Variants in GPR39 observed in about 807,000 individuals in gnomAD.
GPR39 encodes zinc sensing receptor.
GPR39 carries 23 observed loss-of-function variants against 18.4 expected under a neutral mutation model. The observed-to-expected ratio is 1.25, with a 90% CI of 0.90 to 1.77. The LOEUF (loss-of-function observed/expected upper bound fraction) is 1.77. GPR39 is among the 40% of genes most tolerant of loss of function. The pLI is 0.00. For missense variants in GPR39, 647 were observed against 602.4 expected (o/e 1.07, Z -0.78); for synonymous variants, 280 against 257.9 (o/e 1.09, Z -0.82).
intron 1 of GPR39, among the ~76,000 whole-genome samples, chr2:132,614,290 T>G (rs1681293088): frequency 6.6e-6 from 1 of 152,096 alleles, no homozygotes. Flanking sequence ...CACTGCAACC[T>G]CCATCTCCCG....
At chr2:132,587,804 T>G (rs1277943435) in intron 1 of GPR39, among the ~76,000 whole-genome samples, 1 of 152,136 alleles carries the variant, frequency 6.6e-6, no homozygotes, top group African/African-American at 2.4e-5. Context: ...CAAAGTGCTG[T>G]GATTACAGGC....
At chr2:132,474,490 G>A (rs909597511) in intron 1 of GPR39, among the ~76,000 whole-genome samples, 2 of 152,194 alleles carry the variant, frequency 1.3e-5, no homozygotes, top group African/African-American at 4.8e-5. Flanking sequence ...CTGGAAACTG[G>A]GTGAGGGGAC....
rs1283661147 is a variant in GPR39 at position 132,645,187 on chromosome 2, A to T, written c.943A>T (p.Thr315Ser). 6.2e-7 allele frequency: 1 copy of T among 1,614,030 alleles called. No homozygotes were observed. The highest frequency in any genetic ancestry group is 8.5e-7 in the Non-Finnish European group (1 of 1,180,010). ...TGCGGCCAAACCCAAGCACGACTGG[A>T]CGAGGTCCTACTTCCGGGCGTACAT... Reference protein sequence around the residue: ...MAAAKPKHDWTRSYFRAYMIL... With the variant: ...MAAAKPKHDWSRSYFRAYMIL... Residue 315 changes from threonine (T) to serine (S), a missense_variant, in exon 2 of 2, where the codon ACG (threonine) becomes TCG (serine). Physicochemically the swap from Thr to Ser is moderately conservative, Grantham distance 58. Transcript: ENST00000329321.
At position 132,488,854 on chromosome 2, in the gene GPR39, A is replaced by G. The variant is rs115714414; in HGVS notation, c.856+70956A>G. On this transcript the variant is annotated intron_variant, in intron 1 of 1. Transcript: ENST00000329321. Reference sequence around the variant, plus strand: ...CTGCGCCCTGGCTGTCAGCACCTCCACTTCTTCTCCCTGCAAGGGAGGGTG... The same window carrying G: ...CTGCGCCCTGGCTGTCAGCACCTCCGCTTCTTCTCCCTGCAAGGGAGGGTG... The G allele has an allele frequency of 5.3e-3, 894 of 168,610 alleles. 27 individuals carry two copies. Among genetic ancestry groups the G allele is most frequent in the African/African-American group, 0.021 (867 of 40,770 alleles). 10.4% of individuals were successfully genotyped at this position (168,610 alleles called of 1,614,324 possible).
chr2:132,493,220 CATATATACACCAT>C lies in GPR39; in HGVS notation c.856+75341_856+75353del, dbSNP rs1282910497. ...CCATATATACACCATATATGTACAC[CATATATACACCAT>C]ATATATACACCATATATACACCATA... On this transcript the variant is annotated intron_variant, in intron 1 of 1. Transcript: ENST00000329321. Among the ~76,000 whole-genome samples, 12 of 138,148 alleles carry C rather than the reference CATATATACACCAT, an allele frequency of 8.7e-5. No homozygotes were observed. The South Asian group carries it at 9.2e-4, about 11-fold the overall frequency. 90.6% of individuals were successfully genotyped at this position (138,148 alleles called of 152,430 possible).
At chr2:132,568,432 A>G (rs1680388091) in intron 1 of GPR39, among the ~76,000 whole-genome samples, 4 of 152,054 alleles carry the variant, frequency 2.6e-5, no homozygotes. Flanking sequence ...TTGGCCAGGC[A>G]CGGTGGCTTA....
intron 1 of GPR39, among the ~76,000 whole-genome samples, chr2:132,572,378 C>T (rs1445161565): frequency 2.6e-5 from 4 of 152,060 alleles, no homozygotes; most frequent in African/African-American, 9.7e-5. Context: ...GCTGGAAGTG[C>T]ATCTGAGCAG....
chr2:132,629,485 T>C (rs140390770), intron 1 of GPR39, among the ~76,000 whole-genome samples: 138 of 152,358 alleles, frequency 9.1e-4, no homozygotes, highest in African/African-American at 3.2e-3. Flanking sequence ...ATTTGATTCA[T>C]ATAATGTGAA....
At chr2:132,507,840 A>G (rs896066538) in intron 1 of GPR39, among the ~76,000 whole-genome samples, 5 of 152,228 alleles carry the variant, frequency 3.3e-5, no homozygotes, top group Admixed American at 6.5e-5. Flanking sequence ...ACAAAAGAAG[A>G]GAAGCACAGG....
intron 1 of GPR39, among the ~76,000 whole-genome samples, chr2:132,540,005 C>T (rs1679834204): frequency 6.6e-6 from 1 of 152,106 alleles, no homozygotes; most frequent in South Asian, 2.1e-4. Context: ...CATCTGCACC[C>T]CACAGAGGAA....
intron 1 of GPR39, among the ~76,000 whole-genome samples, chr2:132,564,832 G>C (rs142010079): frequency 3.3e-5 from 1 of 30,360 alleles, no homozygotes; most frequent in African/African-American, 1.3e-4. Flanking sequence ...TTTTTTTTTT[G>C]TTGAGACAGA....
At chr2:132,596,113 G>A (rs536428552) in intron 1 of GPR39, among the ~76,000 whole-genome samples, 4 of 152,270 alleles carry the variant, frequency 2.6e-5, no homozygotes, top group Non-Finnish European at 5.9e-5. Flanking sequence ...GGTGCTAGTG[G>A]CCGATTGCAT....
At chr2:132,527,137 G>C (rs796472928) in intron 1 of GPR39, among the ~76,000 whole-genome samples, 19 of 152,192 alleles carry the variant, frequency 1.2e-4, no homozygotes, top group African/African-American at 4.3e-4. Flanking sequence ...GTGAGTCTCT[G>C]TGTCCATGTG....
chr2:132,513,290 C>T (rs1679272217), intron 1 of GPR39, among the ~76,000 whole-genome samples: 1 of 85,298 alleles, frequency 1.2e-5, no homozygotes, highest in African/African-American at 3.7e-5. Context: ...AGTCTGCACC[C>T]CGTCTCTACT....
chr2:132,518,238 G>A (rs963217797), intron 1 of GPR39, among the ~76,000 whole-genome samples: 1 of 152,164 alleles, frequency 6.6e-6, no homozygotes, highest in Non-Finnish European at 1.5e-5. Flanking sequence ...TCTGTGCAGA[G>A]TGTTGTAAAG....
At chr2:132,495,697 G>A (rs766495365) in intron 1 of GPR39, among the ~76,000 whole-genome samples, 1 of 152,134 alleles carries the variant, frequency 6.6e-6, no homozygotes, top group Non-Finnish European at 1.5e-5. Context: ...CAGCTGGTGA[G>A]TGTTCCTCTG....
At chr2:132,458,431 CCT>C (rs141468975) in intron 1 of GPR39, among the ~76,000 whole-genome samples, 102 of 103,044 alleles carry the variant, frequency 9.9e-4, no homozygotes, top group Admixed American at 1.4e-3. Flanking sequence ...ATCTACTTTA[CCT>C]CTCTCTCTCT....
chr2:132,431,994 G>T (rs1158887826), intron 1 of GPR39, among the ~76,000 whole-genome samples: 2 of 152,184 alleles, frequency 1.3e-5, no homozygotes, highest in African/African-American at 2.4e-5. Context: ...CCTTCCAGTT[G>T]CTGGTGACTG....
intron 1 of GPR39, among the ~76,000 whole-genome samples, chr2:132,514,977 C>T (rs903802908): frequency 1.3e-5 from 2 of 152,100 alleles, no homozygotes; most frequent in African/African-American, 4.8e-5. Flanking sequence ...ACAATTATTT[C>T]GAGGAAATGC....
Sources: allele counts gnomAD v4.1 joint callset (sites outside exome capture counted in the v4.1 genomes callset), GRCh38; gene constraint gnomAD v4.1.1; transcripts MANE v1.5; gene names NCBI Gene and HGNC (gene_info 2026-07-23, HGNC 2026-07-21).